The following WDR7 variants were observed in gnomAD, a reference collection of about 807,000 sequenced individuals.
WDR7 encodes WD repeat-containing protein 7.
A neutral mutation model predicts 169.4 loss-of-function variants in WDR7; 46 were observed. The ratio of observed to expected loss-of-function variants is 0.27; its 90% CI spans 0.21 to 0.35. The LOEUF (loss-of-function observed/expected upper bound fraction) is 0.35, where lower values mean the gene tolerates loss of function less well. Ranked by LOEUF, WDR7 falls within the 10% of genes least tolerant of loss-of-function variation. The pLI is 1.00. For missense variants in WDR7, 1,534 were observed against 1,859.3 expected, an observed-to-expected ratio of 0.83 and a Z score of 3.22; for synonymous variants, 612 against 666.8, an observed-to-expected ratio of 0.92 and a Z score of 1.27.
At chr18:56,789,882 A>G (rs1252572100) in intron 19 of WDR7, among the ~76,000 whole-genome samples, 1 of 152,238 alleles carries the variant, frequency 6.6e-6, no homozygotes, top group East Asian at 1.9e-4. Context: ...GGACTGTTTT[A>G]TAAAAGAAAA....
Position 56,776,653 on chromosome 18 carries a change from C to T in WDR7, c.2849-129C>T, listed in dbSNP as rs1428672908. 6.0e-5 allele frequency: 44 copies of T among 731,450 alleles called. No homozygotes were observed. The East Asian group carries it at 1.1e-3, about 18-fold the overall frequency. 45.3% of individuals were successfully genotyped at this position (731,450 alleles called of 1,614,324 possible). On this transcript the variant is annotated intron_variant, in intron 16 of 27. Coordinates refer to ENST00000254442, the MANE Select transcript of WDR7 (RefSeq NM_015285.3). ...AATGATCATGCCTTTCTGATGAAAA[C>T]ATCGTTTCAGTTCTACATTCTCTGT... is the stretch of plus-strand genomic sequence containing the variant.
At chr18:56,906,245 T>C (rs905817939) in intron 21 of WDR7, among the ~76,000 whole-genome samples, 6 of 152,164 alleles carry the variant, frequency 3.9e-5, no homozygotes, top group African/African-American at 9.7e-5. Context: ...CTCAGCAGGA[T>C]CCAGATTTGA....
intron 25 of WDR7, among the ~76,000 whole-genome samples, chr18:56,940,725 T>G (rs934310615): frequency 6.6e-6 from 1 of 152,144 alleles, no homozygotes; most frequent in African/African-American, 2.4e-5. Context: ...GAGGAAGCAG[T>G]TTTATTAGGG....
chr18:56,818,897 AAGT>A (rs2045031095), intron 20 of WDR7, among the ~76,000 whole-genome samples: 2 of 152,204 alleles, frequency 1.3e-5, no homozygotes, highest in Admixed American at 1.3e-4. Context: ...TTCATAAAAT[AAGT>A]AGTAATTATA....
intron 13 of WDR7, among the ~76,000 whole-genome samples, chr18:56,730,780 T>G (rs1029266972): frequency 2.0e-5 from 3 of 151,626 alleles, no homozygotes; most frequent in Non-Finnish European, 4.4e-5. Flanking sequence ...AAATAAAAAA[T>G]AAAAAATAAA....
chr18:56,984,715 T>C (rs954976024), intron 26 of WDR7, among the ~76,000 whole-genome samples: 5 of 152,230 alleles, frequency 3.3e-5, no homozygotes, highest in African/African-American at 1.2e-4. Context: ...GGTTCATTTT[T>C]GGGCAGACTT....
intron 27 of WDR7, among the ~76,000 whole-genome samples, chr18:57,023,353 T>C (rs1314734604): frequency 3.3e-5 from 5 of 152,228 alleles, no homozygotes; most frequent in African/African-American, 9.6e-5. Context: ...TGAAGTCTTA[T>C]TAATACAGAG....
chr18:56,722,452 C>A (rs1396208746), intron 13 of WDR7, among the ~76,000 whole-genome samples: 1 of 152,098 alleles, frequency 6.6e-6, no homozygotes, highest in Non-Finnish European at 1.5e-5. Flanking sequence ...ATTTGTATTT[C>A]ACTATATATT....
At chr18:56,696,183 T>G in intron 11 of WDR7, 59 bp from the exon 12 acceptor site, 1 of 1,383,230 alleles carries the variant, frequency 7.2e-7, no homozygotes, top group Non-Finnish European at 9.9e-7. Context: ...TTACTTTTAC[T>G]TACTGAAACT....
At chr18:56,971,841 C>G (rs1360275433) in intron 26 of WDR7, among the ~76,000 whole-genome samples, 2 of 152,178 alleles carry the variant, frequency 1.3e-5, no homozygotes, top group African/African-American at 4.8e-5. Context: ...GTCCATATTA[C>G]AGCAATTTTC....
intron 2 of WDR7, 114 bp downstream of exon 2, chr18:56,672,788 G>C: frequency 9.2e-7 from 1 of 1,090,750 alleles, no homozygotes; most frequent in Non-Finnish European, 1.2e-6. Context: ...TGAAAAATGT[G>C]TTTTGACTAA....
intron 26 of WDR7, among the ~76,000 whole-genome samples, chr18:57,014,112 G>A (rs2048174617): frequency 6.6e-6 from 1 of 151,966 alleles, no homozygotes; most frequent in African/African-American, 2.4e-5. Flanking sequence ...GATCACTTGG[G>A]GTCAGGAGTT....
intron 16 of WDR7, among the ~76,000 whole-genome samples, chr18:56,764,374 T>G (rs1172610367): frequency 1.3e-5 from 2 of 152,132 alleles, no homozygotes; most frequent in African/African-American, 4.8e-5. Flanking sequence ...TTTTGTGTGG[T>G]TTGAATCCTT....
At chr18:56,947,230 T>C (rs1451806843) in intron 25 of WDR7, among the ~76,000 whole-genome samples, 1 of 152,182 alleles carries the variant, frequency 6.6e-6, no homozygotes, top group African/African-American at 2.4e-5. Flanking sequence ...CAGCACTGAA[T>C]TAGTTTTATG....
chr18:56,756,924 T>C lies in WDR7; in HGVS notation c.2331T>C (p.Asp777=). 1 of 1,614,044 alleles carries C rather than the reference T, an allele frequency of 6.2e-7. No individual in the cohort carries two copies. The highest frequency in any genetic ancestry group is 8.5e-7 in the Non-Finnish European group (1 of 1,180,002). The change falls in exon 15 of 28, where the codon GAT becomes GAC. Residue 777 remains aspartate, a synonymous_variant. Transcript: ENST00000254442. ...TGAGGCAGAGAAGGGAAGAAAGTGATCCTGAATATCGGTCCAGCAAATCAA... is the reference window on the plus strand; with the variant it reads ...TGAGGCAGAGAAGGGAAGAAAGTGACCCTGAATATCGGTCCAGCAAATCAA... ...EIMRQRREES[D]PEYRSSKSKP...
intron 20 of WDR7, among the ~76,000 whole-genome samples, chr18:56,820,373 A>G (rs1040198386): frequency 2.3e-5 from 3 of 127,842 alleles, no homozygotes; most frequent in South Asian, 5.5e-4. Context: ...AACCACCTTG[A>G]TACTAGATCA....
chr18:56,760,598 G>A (rs1230178242), intron 16 of WDR7, among the ~76,000 whole-genome samples: 1 of 152,090 alleles, frequency 6.6e-6, no homozygotes, highest in African/African-American at 2.4e-5. Flanking sequence ...TTTGGATTGT[G>A]TCCAGCATTT....
rs1175422431 is a variant in WDR7 at position 56,686,967 on chromosome 18, A to G, written c.710A>G (p.Tyr237Cys). 6.2e-7 allele frequency: 1 copy of G among 1,607,766 alleles called. No individual in the cohort carries two copies. Among genetic ancestry groups the G allele is most frequent in the East Asian group, 2.2e-5 (1 of 44,772 alleles). The change falls in exon 7 of 28, where the codon TAT becomes TGT. Residue 237 changes from tyrosine (Y) to cysteine (C), a missense_variant. Transcript: ENST00000254442. ...QRSLLVVCSK[Y>C]WRVFDAGDYS... is the part of the protein sequence containing the mutation. ...TCACTTTTGGTTGTGTGTTCCAAAT[A>G]TTGGAGGGTAAGATAATTATATAAA...
At chr18:56,936,728 G>A (rs2046965772) in intron 23 of WDR7, among the ~76,000 whole-genome samples, 1 of 152,128 alleles carries the variant, frequency 6.6e-6, no homozygotes, top group Admixed American at 6.5e-5. Context: ...CATTTCGCTG[G>A]GAGGGGAGGA....
Sources: allele counts gnomAD v4.1 joint callset (sites outside exome capture counted in the v4.1 genomes callset), GRCh38; gene constraint gnomAD v4.1.1; transcripts MANE v1.5; gene names NCBI Gene and HGNC (gene_info 2026-07-23, HGNC 2026-07-21).